Variants in HTR4 observed in about 807,000 individuals in gnomAD.
HTR4 encodes the protein 5-hydroxytryptamine receptor 4.
HTR4 carries 16 observed loss-of-function variants against 36.8 expected under a neutral mutation model. The ratio of observed to expected loss-of-function variants is 0.43; its 90% CI spans 0.29 to 0.66. The LOEUF (loss-of-function observed/expected upper bound fraction) is 0.66, where lower values mean the gene tolerates loss of function less well. Among genes scored for constraint, HTR4 ranks in the 30% least tolerant of loss-of-function variants. The pLI, the probability that HTR4 is intolerant of heterozygous loss-of-function variation, is 0.13. For synonymous variants in HTR4, 189 were observed against 185.1 expected, an observed-to-expected ratio of 1.02 and a Z score of -0.17; for missense variants, 438 against 490.9, an observed-to-expected ratio of 0.89 and a Z score of 1.02.
At chr5:148,589,570 G>A (rs1263926194) in intron 2 of HTR4, among the ~76,000 whole-genome samples, 1 of 151,948 alleles carries the variant, frequency 6.6e-6, no homozygotes, top group Admixed American at 6.6e-5. Flanking sequence ...TTAGTGTTTT[G>A]TAAGAAATTT....
intron 1 of HTR4, among the ~76,000 whole-genome samples, chr5:148,639,030 A>C (rs1251427419): frequency 1.3e-5 from 2 of 151,976 alleles, no homozygotes; most frequent in African/African-American, 4.8e-5. Context: ...CTGGGTGACA[A>C]AGTGAGACCC....
chr5:148,483,376 A>G, intron 6 of HTR4, 83 bp from the exon 7 acceptor site: 1 of 1,242,030 alleles, frequency 8.1e-7, no homozygotes, highest in Non-Finnish European at 1.2e-6. Flanking sequence ...CCTGCATGGC[A>G]GGAACACTCT....
chr5:148,556,860 G>A (rs1465114685), intron 2 of HTR4, among the ~76,000 whole-genome samples: 1 of 152,172 alleles, frequency 6.6e-6, no homozygotes, highest in Non-Finnish European at 1.5e-5. Context: ...AGAGAGAAGT[G>A]TGAGGTGGTT....
chr5:148,629,736 C>T (rs1041500789), intron 2 of HTR4: 2 of 152,178 alleles, frequency 1.3e-5, no homozygotes, highest in Non-Finnish European at 2.9e-5. Flanking sequence ...ACATCTGCAC[C>T]CTCAGGTTTC....
intron 5 of HTR4, among the ~76,000 whole-genome samples, chr5:148,459,688 A>T (rs1047152878): frequency 1.3e-5 from 2 of 152,222 alleles, no homozygotes. Context: ...TTTACCAAAG[A>T]CATCATGTGT....
intron 4 of HTR4, among the ~76,000 whole-genome samples, chr5:148,524,653 C>A (rs2113799963): frequency 6.6e-6 from 1 of 152,248 alleles, no homozygotes; most frequent in South Asian, 2.1e-4. Context: ...ATCTATCATT[C>A]ATTTCTCTTT....
intron 2 of HTR4, among the ~76,000 whole-genome samples, chr5:148,562,597 C>T (rs781578302): frequency 2.0e-5 from 3 of 152,124 alleles, no homozygotes; most frequent in Non-Finnish European, 4.4e-5. Flanking sequence ...TAGACTATCA[C>T]AACCACTTTT....
intron 6 of HTR4, among the ~76,000 whole-genome samples, chr5:148,486,426 G>T (rs1198450715): frequency 6.6e-6 from 1 of 152,180 alleles, no homozygotes; most frequent in Non-Finnish European, 1.5e-5. Context: ...GAAGAAAGCA[G>T]CAGAGTGTAG....
At chr5:148,612,092 C>A (rs1029628553) in intron 2 of HTR4, among the ~76,000 whole-genome samples, 3 of 152,252 alleles carry the variant, frequency 2.0e-5, no homozygotes, top group African/African-American at 7.2e-5. Flanking sequence ...GAATTTAACA[C>A]CCCACTGTCA....
chr5:148,573,099 C>T (rs1002052751), intron 2 of HTR4, among the ~76,000 whole-genome samples: 1 of 152,076 alleles, frequency 6.6e-6, no homozygotes, highest in South Asian at 2.1e-4. Context: ...TGAACACTGT[C>T]ATGCAGTTCT....
At chr5:148,626,512 G>C (rs1226870133) in intron 2 of HTR4, among the ~76,000 whole-genome samples, 1 of 152,162 alleles carries the variant, frequency 6.6e-6, no homozygotes, top group Non-Finnish European at 1.5e-5. Context: ...GACTAGAAAT[G>C]AAAATACAAA....
intron 5 of HTR4, among the ~76,000 whole-genome samples, chr5:148,457,883 T>A (rs1274229858): frequency 7.3e-6 from 1 of 137,526 alleles, no homozygotes; most frequent in Non-Finnish European, 1.5e-5. Flanking sequence ...CATTAAAATA[T>A]TAAAATATAT....
chr5:148,504,913 G>C (rs184482077), intron 6 of HTR4, among the ~76,000 whole-genome samples: 2 of 152,106 alleles, frequency 1.3e-5, no homozygotes, highest in Admixed American at 6.6e-5. Flanking sequence ...ATAAATTCCT[G>C]GACACATACA....
intron 2 of HTR4, among the ~76,000 whole-genome samples, chr5:148,588,499 T>C (rs894675620): frequency 6.6e-6 from 1 of 151,364 alleles, no homozygotes; most frequent in Admixed American, 6.6e-5. Context: ...TAAAAGTCAG[T>C]GTATATCATT....
At chr5:148,484,545 A>G (rs1476016959) in intron 6 of HTR4, among the ~76,000 whole-genome samples, 1 of 152,164 alleles carries the variant, frequency 6.6e-6, no homozygotes, top group Non-Finnish European at 1.5e-5. Flanking sequence ...TCCTAGAAGA[A>G]GTTCATTCGG....
downstream of HTR4, chr5:148,476,624 C>A (rs2113709557): frequency 6.4e-7 from 1 of 1,562,192 alleles, no homozygotes; most frequent in East Asian, 2.3e-5. Context: ...GCTTCACATT[C>A]TTCCAAACAA....
chr5:148,505,322 G>A (rs1167636660), intron 6 of HTR4, among the ~76,000 whole-genome samples: 2 of 152,064 alleles, frequency 1.3e-5, no homozygotes, highest in Non-Finnish European at 2.9e-5. Context: ...AAATTCAACA[G>A]CCCTTCATGG....
intron 4 of HTR4, among the ~76,000 whole-genome samples, chr5:148,531,813 C>G (rs560279030): frequency 7.9e-5 from 12 of 152,238 alleles, no homozygotes; most frequent in African/African-American, 2.6e-4. Context: ...GCTTTTACAT[C>G]CCTCTGAAGT....
At chr5:148,510,694 G>GTGCTAAACTT in intron 5 of HTR4, among the ~76,000 whole-genome samples, 1 of 152,326 alleles carries the variant, frequency 6.6e-6, no homozygotes, top group East Asian at 1.9e-4. Flanking sequence ...GCTCTATACT[G>GTGCTAAACTT]TGCTAAACTT....
Sources: gnomAD v4.1 joint callset for allele counts (sites outside exome capture counted in the v4.1 genomes callset) on GRCh38, gnomAD v4.1.1 for gene constraint, MANE v1.5 for transcripts, NCBI Gene and HGNC (gene_info 2026-07-23, HGNC 2026-07-21) for gene names.